The following PRLR variants were observed in gnomAD, a reference collection of about 807,000 sequenced individuals.
PRLR encodes prolactin receptor.
Under a neutral mutation model 40.2 loss-of-function variants are expected in PRLR, and 13 were observed. The ratio of observed to expected loss-of-function variants is 0.32; its 90% CI spans 0.21 to 0.51. The LOEUF (loss-of-function observed/expected upper bound fraction) is 0.51, where lower values mean the gene tolerates loss of function less well. Ranked by LOEUF, PRLR falls within the 20% of genes least tolerant of loss-of-function variation. The pLI, the probability that PRLR is intolerant of heterozygous loss-of-function variation, is 0.97. For missense variants in PRLR, 656 were observed against 747.3 expected, an observed-to-expected ratio of 0.88 and a Z score of 1.42; for synonymous variants, 269 against 278.7, an observed-to-expected ratio of 0.97 and a Z score of 0.35.
Position 35,068,284 on chromosome 5 carries a change from T to G in PRLR, c.787A>C (p.Met263Leu). ...ACTGGCGGAAAGATGCAGGTCACCA[T>G]GCTATAAAATAATTCATGAGATTGG... Reference protein sequence around the residue: ...VWAVALKGYSMVTCIFPPVPG... With the variant: ...VWAVALKGYSLVTCIFPPVPG... Residue 263 changes from methionine (M) to leucine (L), a missense_variant and splice_region_variant, in exon 9 of 10, where the codon ATG becomes CTG. Transcript: ENST00000618457. 6.2e-7 allele frequency: 1 copy of G among 1,609,964 alleles called. No homozygotes were observed. The highest frequency in any genetic ancestry group is 1.1e-5 in the South Asian group (1 of 90,998).
chr5:35,174,124 C>T (rs1295198888), intron 1 of PRLR, among the ~76,000 whole-genome samples: 2 of 149,914 alleles, frequency 1.3e-5, no homozygotes, highest in Non-Finnish European at 3.0e-5. Context: ...GAGTCTCACT[C>T]TGTCACCCAA....
At chr5:35,189,609 G>A (rs900180364) in intron 1 of PRLR, among the ~76,000 whole-genome samples, 2 of 151,684 alleles carry the variant, frequency 1.3e-5, no homozygotes, top group Non-Finnish European at 2.9e-5. Context: ...TTGTTATGGG[G>A]AGTAAATGTG....
At chr5:35,204,794 C>T (rs72734579) in intron 1 of PRLR, among the ~76,000 whole-genome samples, 14,650 of 152,136 alleles carry the variant, frequency 0.096, 918 homozygotes, top group Non-Finnish European at 0.13. Context: ...CTCTATATGT[C>T]GACTTTCTAG....
intron 1 of PRLR, among the ~76,000 whole-genome samples, chr5:35,157,805 C>T (rs1304810787): frequency 1.3e-5 from 2 of 152,248 alleles, no homozygotes; most frequent in Non-Finnish European, 2.9e-5. Context: ...TATTTGAATA[C>T]TACTTTGGGT....
intron 1 of PRLR, among the ~76,000 whole-genome samples, chr5:35,205,265 G>T (rs532972833): frequency 2.0e-5 from 3 of 152,208 alleles, no homozygotes; most frequent in Non-Finnish European, 4.4e-5. Context: ...AAGAGGTGGG[G>T]GAGGAGGGAG....
Position 35,064,837 on chromosome 5 carries a change from C to T in PRLR, c.*252G>A, listed in dbSNP as rs1769251123. ...TCCCTCAAGAATACTAAGCAGTGTG[C>T]TTTTATTTCATTGAACACATAGTTT... On this transcript the variant is annotated 3_prime_UTR_variant, in exon 10 of 10. Transcript: ENST00000618457. 1 of 478,620 alleles carries T rather than the reference C, an allele frequency of 2.1e-6. No homozygotes were observed. The highest frequency in any genetic ancestry group is 3.7e-6 in the Non-Finnish European group (1 of 271,274). The allele number at this position is 478,620 out of a possible 1,614,324, so 29.6% of individuals were successfully genotyped here.
chr5:35,134,993 G>GT (rs892101387), intron 1 of PRLR, among the ~76,000 whole-genome samples: 1 of 151,728 alleles, frequency 6.6e-6, no homozygotes, highest in African/African-American at 2.4e-5. Flanking sequence ...TGAGGAACAT[G>GT]TTTTTTTTCC....
chr5:35,102,284 A>C (rs1468634203), intron 2 of PRLR, among the ~76,000 whole-genome samples: 1 of 152,138 alleles, frequency 6.6e-6, no homozygotes, highest in Non-Finnish European at 1.5e-5. Context: ...CTAGAGATCA[A>C]GGCTTGTTGC....
chr5:35,144,178 T>C (rs1486666037), intron 1 of PRLR, among the ~76,000 whole-genome samples: 1 of 148,998 alleles, frequency 6.7e-6, no homozygotes, highest in Non-Finnish European at 1.5e-5. Flanking sequence ...CTGAATCAGA[T>C]ACTTTTATCT....
At chr5:35,108,123 C>A (rs1185076677) in intron 2 of PRLR, among the ~76,000 whole-genome samples, 3 of 152,142 alleles carry the variant, frequency 2.0e-5, no homozygotes, top group South Asian at 2.1e-4. Context: ...ACAACAAAAA[C>A]CACATGATTA....
At chr5:35,090,789 C>CTTTTTTT (rs1202540235) in intron 2 of PRLR, among the ~76,000 whole-genome samples, 1 of 105,070 alleles carries the variant, frequency 9.5e-6, no homozygotes, top group African/African-American at 3.3e-5. Context: ...CATCAATTAG[C>CTTTTTTT]TCTTTTTTTT....
intron 1 of PRLR, among the ~76,000 whole-genome samples, chr5:35,188,169 C>T (rs151002414): frequency 1.1e-4 from 17 of 152,308 alleles, no homozygotes; most frequent in Admixed American, 5.2e-4. Flanking sequence ...CCTGGAAAGT[C>T]GGGCTTTTCG....
intron 2 of PRLR, among the ~76,000 whole-genome samples, chr5:35,102,512 T>TCTCCTCTCCC (rs1561299523): frequency 3.9e-5 from 5 of 127,110 alleles, no homozygotes; most frequent in Non-Finnish European, 8.2e-5. Context: ...TCTCCTCTCC[T>TCTCCTCTCCC]CTCCTCTCCT....
chr5:35,177,591 A>G lies in PRLR; in HGVS notation c.-106+52677T>C, dbSNP rs367753135. Among the ~76,000 whole-genome samples the G allele has an allele frequency of 5.1e-4, 77 of 152,202 alleles. 1 individual carries two copies. The highest frequency in any genetic ancestry group is 1.7e-3 in the African/African-American group (72 of 41,532). ...TGGTCTTTTTTGACTGGTTTCCTTT[A>G]CTTACCATAACATTTTTGAGGTTCA... On this transcript the variant is annotated intron_variant, in intron 1 of 9. Coordinates refer to ENST00000618457, the MANE Select transcript of PRLR (RefSeq NM_000949.7).
chr5:35,167,201 T>A (rs1295790174), intron 1 of PRLR, among the ~76,000 whole-genome samples: 1 of 151,758 alleles, frequency 6.6e-6, no homozygotes, highest in East Asian at 1.9e-4. Context: ...TCTAACTCTT[T>A]AAAGATATTG....
rs1768844449 is a variant in PRLR, at chr5:35,058,469, G to C, written c.*6620C>G. On this transcript the variant is annotated 3_prime_UTR_variant, in exon 10 of 10. Coordinates refer to ENST00000618457, the MANE Select transcript of PRLR (RefSeq NM_000949.7). ...CAGTCACATGAAACAAAGCCGAGAGGCTGACTTTCAAACAACTGTTGGATT... is the reference window on the plus strand; with the variant it reads ...CAGTCACATGAAACAAAGCCGAGAGCCTGACTTTCAAACAACTGTTGGATT... The C allele has an allele frequency of 6.6e-6, 1 of 152,200 alleles. No individual in the cohort carries two copies. The highest frequency in any genetic ancestry group is 2.4e-5 in the African/African-American group (1 of 41,448). The allele number at this position is 152,200 out of a possible 1,614,324, so 9.4% of individuals were successfully genotyped here.
intron 9 of PRLR, 81 bp downstream of exon 9, chr5:35,068,135 A>G: frequency 7.7e-7 from 1 of 1,301,946 alleles, no homozygotes; most frequent in South Asian, 1.2e-5. Context: ...GGCTGAACTG[A>G]CGGGGACTGT....
intron 1 of PRLR, among the ~76,000 whole-genome samples, chr5:35,143,681 A>G (rs911060888): frequency 6.6e-6 from 1 of 152,226 alleles, no homozygotes; most frequent in East Asian, 1.9e-4. Context: ...CAAAAGAAAT[A>G]TTTGTTAAAT....
chr5:35,177,616 A>T (rs1016007017), intron 1 of PRLR, among the ~76,000 whole-genome samples: 6 of 152,154 alleles, frequency 3.9e-5, no homozygotes, highest in Non-Finnish European at 8.8e-5. Context: ...TTTGAGGTTC[A>T]TCTATGTTCT....
Sources: allele counts gnomAD v4.1 joint callset (sites outside exome capture counted in the v4.1 genomes callset), GRCh38; gene constraint gnomAD v4.1.1; transcripts MANE v1.5; gene names NCBI Gene and HGNC (gene_info 2026-07-23, HGNC 2026-07-21).